Variants in CCDC88A observed in about 807,000 individuals in gnomAD.
CCDC88A encodes the protein girdin.
A neutral mutation model predicts 234.3 loss-of-function variants in CCDC88A; 54 were observed. The ratio of observed to expected loss-of-function variants is 0.23; its 90% CI spans 0.19 to 0.29. CCDC88A has a LOEUF of 0.29. Ranked by LOEUF, CCDC88A falls within the 10% of genes least tolerant of loss-of-function variation. CCDC88A has a pLI of 1.00. For synonymous variants in CCDC88A, 753 were observed against 737.8 expected (o/e 1.02, Z -0.33); for missense variants, 1,832 against 2,123.4 (o/e 0.86, Z 2.70).
chr2:55,379,339 C>G (rs1481888007), intron 3 of CCDC88A, among the ~76,000 whole-genome samples: 1 of 152,024 alleles, frequency 6.6e-6, no homozygotes, highest in East Asian at 1.9e-4. Context: ...TGTATATAAA[C>G]TAATGAAGAT....
chr2:55,377,552 G>A (rs761034713), intron 3 of CCDC88A, among the ~76,000 whole-genome samples: 8 of 151,922 alleles, frequency 5.3e-5, no homozygotes, highest in Non-Finnish European at 1.0e-4. Context: ...TAAGTCAGAC[G>A]AAAGAGCCTT....
chr2:55,290,816 G>A lies in CCDC88A; in HGVS notation c.*384C>T, dbSNP rs1251744974. ...TTAGCAGAAGCATTAAGCAAACATG[G>A]ATAAATTCATAAAACAAATGATGAA... On this transcript the variant is annotated 3_prime_UTR_variant, in exon 33 of 33. Coordinates refer to ENST00000436346, the MANE Select transcript of CCDC88A (RefSeq NM_001365480.1). 1 of 152,462 alleles carries A rather than the reference G, an allele frequency of 6.6e-6. No homozygotes were observed. 9.4% of individuals were successfully genotyped at this position (152,462 alleles called of 1,614,324 possible). A position where few individuals can be genotyped will look rare whatever the true frequency, so the allele number is the denominator to read the frequency against.
At chr2:55,383,087 A>C (rs1387079893) in intron 3 of CCDC88A, among the ~76,000 whole-genome samples, 9 of 148,146 alleles carry the variant, frequency 6.1e-5, no homozygotes, top group Admixed American at 1.4e-4. Context: ...AAAAAAAAAA[A>C]CAAAAGAGTA....
chr2:55,346,565 T>TC (rs1669135788), intron 9 of CCDC88A, among the ~76,000 whole-genome samples: 1 of 151,466 alleles, frequency 6.6e-6, no homozygotes, highest in Non-Finnish European at 1.5e-5. Flanking sequence ...GATTAAAAGC[T>TC]CCCCCCACCA....
chr2:55,367,492 A>T (rs1177830183), intron 5 of CCDC88A, among the ~76,000 whole-genome samples: 1 of 131,214 alleles, frequency 7.6e-6, no homozygotes, highest in Admixed American at 8.0e-5. Context: ...ATTCTCAGAA[A>T]AACAAATGCC....
At chr2:55,300,101 T>G in intron 28 of CCDC88A, 182 bp from the exon 29 acceptor site, 1 of 537,430 alleles carries the variant, frequency 1.9e-6, no homozygotes, top group Non-Finnish European at 3.3e-6. Context: ...AATAGGACAC[T>G]TCTGAAACAA....
chr2:55,296,607 G>T, intron 29 of CCDC88A, 84 bp from the exon 30 acceptor site: 1 of 1,349,814 alleles, frequency 7.4e-7, no homozygotes, highest in Non-Finnish European at 1.0e-6. Context: ...TTGACTGTGT[G>T]CTAATTATAT....
Position 55,376,172 on chromosome 2 carries a change from A to G in CCDC88A, c.274-1289T>C, listed in dbSNP as rs188358646. On this transcript the variant is annotated intron_variant, in intron 3 of 32. Coordinates refer to ENST00000436346, the MANE Select transcript of CCDC88A (RefSeq NM_001365480.1). ...ATACATTGTATCTGCCATTACAACC[A>G]CTGACACTGATGATATGCAAAGGGT... is the stretch of plus-strand genomic sequence containing the variant. Among the ~76,000 whole-genome samples, 20 of 152,294 alleles carry G rather than the reference A, an allele frequency of 1.3e-4. No individual in the cohort carries two copies. The East Asian group carries it at 3.7e-3, about 28-fold the overall frequency.
intron 23 of CCDC88A, among the ~76,000 whole-genome samples, chr2:55,311,520 G>GT (rs769578074): frequency 2.0e-5 from 3 of 152,188 alleles, no homozygotes; most frequent in East Asian, 3.8e-4. Context: ...AATCTAGAAA[G>GT]TAAGTGTCAT....
At position 55,295,859 on chromosome 2, in the gene CCDC88A, A is replaced by G; in HGVS notation, c.5289T>C (p.Asp1763=). 6.2e-7 allele frequency: 1 copy of G among 1,614,066 alleles called. No individual in the cohort carries two copies. The highest frequency in any genetic ancestry group is 1.3e-5 in the African/African-American group (1 of 75,050). Reference sequence around the variant, plus strand: ...TTCCCGCAGAACTAATGAAGTAGGTATCTTCAGTTTTTCGAGGACCAGGTC... The same window carrying G: ...TTCCCGCAGAACTAATGAAGTAGGTGTCTTCAGTTTTTCGAGGACCAGGTC... ...FLRPGPRKTE[D]TYFISSAGKP... is the part of the protein sequence containing the mutation. Residue 1763 remains aspartate, a synonymous_variant, in exon 31 of 33, where the codon GAT becomes GAC. Coordinates refer to ENST00000436346, the MANE Select transcript of CCDC88A (RefSeq NM_001365480.1).
chr2:55,367,096 T>C (rs895173270), intron 5 of CCDC88A, among the ~76,000 whole-genome samples: 3 of 152,192 alleles, frequency 2.0e-5, no homozygotes, highest in Non-Finnish European at 4.4e-5. Context: ...AACTGACACA[T>C]GCTATAGCAT....
chr2:55,419,586 T>TTTCGACCCGCG lies in CCDC88A; in HGVS notation c.-518_-508dup, dbSNP rs1681986891. On this transcript the variant is annotated 5_prime_UTR_variant, in exon 1 of 33. Coordinates refer to ENST00000436346, the MANE Select transcript of CCDC88A (RefSeq NM_001365480.1). ...CACCCACCGATGGGCATGGAGCCGC[T>TTTCGACCCGCG]TTCGACCCGCGGAGCCTCCACTGCC... 1 of 154,210 alleles carries TTTCGACCCGCG rather than the reference T, an allele frequency of 6.5e-6. No individual in the cohort carries two copies. Among genetic ancestry groups the TTTCGACCCGCG allele is most frequent in the Non-Finnish European group, 1.4e-5 (1 of 69,542 alleles). The allele number at this position is 154,210 out of a possible 1,614,324, so 9.6% of individuals were successfully genotyped here.
intron 17 of CCDC88A, among the ~76,000 whole-genome samples, chr2:55,324,778 T>G (rs1023294135): frequency 6.6e-6 from 1 of 152,140 alleles, no homozygotes; most frequent in Non-Finnish European, 1.5e-5. Context: ...CCTGAGTAGC[T>G]GGGACTACAG....
intron 17 of CCDC88A, among the ~76,000 whole-genome samples, chr2:55,324,993 T>A (rs1684087135): frequency 1.3e-5 from 2 of 152,234 alleles, no homozygotes; most frequent in Non-Finnish European, 2.9e-5. Context: ...GCTAAATTAG[T>A]TATAACACCT....
At chr2:55,393,213 G>T (rs1676933418) in intron 2 of CCDC88A, among the ~76,000 whole-genome samples, 1 of 146,066 alleles carries the variant, frequency 6.8e-6, no homozygotes, top group Admixed American at 6.8e-5. Flanking sequence ...TTGTGAAATG[G>T]ATTTTTTTTT....
At chr2:55,410,844 G>T (rs560746856) in intron 2 of CCDC88A, among the ~76,000 whole-genome samples, 2 of 151,110 alleles carry the variant, frequency 1.3e-5, no homozygotes, top group East Asian at 1.9e-4. Context: ...AGTGAACCAA[G>T]ATCTCGCCAC....
chr2:55,341,569 C>T (rs6718645), intron 12 of CCDC88A, among the ~76,000 whole-genome samples: 7,307 of 151,694 alleles, frequency 0.048, 310 homozygotes, highest in African/African-American at 0.12. Context: ...CTCAGCCTCC[C>T]AAGTAGCTGG....
intron 2 of CCDC88A, among the ~76,000 whole-genome samples, chr2:55,410,930 C>G (rs1427480489): frequency 1.3e-5 from 2 of 151,292 alleles, no homozygotes; most frequent in African/African-American, 4.9e-5. Context: ...TAAAATAGAT[C>G]TAAGAAGGCA....
intron 11 of CCDC88A, 106 bp from the exon 12 acceptor site, chr2:55,343,898 A>T: frequency 1.1e-6 from 1 of 940,768 alleles, no homozygotes; most frequent in Non-Finnish European, 1.5e-6. Flanking sequence ...ACTCAGTAAT[A>T]ATTATGAGTT....
Sources: allele counts gnomAD v4.1 joint callset (sites outside exome capture counted in the v4.1 genomes callset), GRCh38; gene constraint gnomAD v4.1.1; transcripts MANE v1.5; gene names NCBI Gene and HGNC (gene_info 2026-07-23, HGNC 2026-07-21).